The following CLASP1 variants were observed in gnomAD, a reference collection of about 807,000 sequenced individuals.
CLASP1 encodes the protein cytoplasmic linker associated protein 1, also known as CLIP-associating protein 1.
In CLASP1, 38 loss-of-function variants were observed where a neutral mutation model predicts 192.3. The observed-to-expected ratio is 0.20, with a 90% CI of 0.15 to 0.26. CLASP1 has a LOEUF of 0.26. Among genes scored for constraint, CLASP1 ranks in the 10% least tolerant of loss-of-function variants. CLASP1 has a pLI of 1.00. For synonymous variants in CLASP1, 691 were observed against 712.8 expected, an observed-to-expected ratio of 0.97 and a Z score of 0.49; for missense variants, 1,433 against 1,932.5, an observed-to-expected ratio of 0.74 and a Z score of 4.85.
Position 121,572,353 on chromosome 2 carries a change from G to A in CLASP1, c.195+33348C>T, listed in dbSNP as rs1033052483. Among the ~76,000 whole-genome samples, 32 of 152,174 alleles carry A rather than the reference G, an allele frequency of 2.1e-4. 1 individual carries two copies. The highest frequency in any genetic ancestry group is 2.0e-4 in the Admixed American group (3 of 15,284). On this transcript the variant is annotated intron_variant, in intron 2 of 39. Coordinates refer to ENST00000263710, the Ensembl canonical transcript of CLASP1. ...TGAGGCAGGAGAATGGCATGAACCC[G>A]GGACGCGGAGATTGCAGTGAGCCGA...
At chr2:121,565,277 C>T (rs1036529260) in intron 2 of CLASP1, among the ~76,000 whole-genome samples, 1 of 152,184 alleles carries the variant, frequency 6.6e-6, no homozygotes, top group Non-Finnish European at 1.5e-5. Flanking sequence ...TCTCATTCTG[C>T]TCTGTATTCA....
At chr2:121,507,642 A>G (rs774118646) in intron 7 of CLASP1, among the ~76,000 whole-genome samples, 1 of 152,266 alleles carries the variant, frequency 6.6e-6, no homozygotes, top group Non-Finnish European at 1.5e-5. Context: ...AAAACTTCAC[A>G]AATTTGATAT....
chr2:121,427,374 C>T (rs72967386), intron 21 of CLASP1, 30 bp downstream of exon 21: 2 of 1,608,106 alleles, frequency 1.2e-6, no homozygotes, highest in Non-Finnish European at 1.7e-6. Context: ...ACAACAACAA[C>T]AAAAAAAGGC....
At chr2:121,633,460 G>C (rs748552381) in intron 1 of CLASP1, among the ~76,000 whole-genome samples, 3 of 152,040 alleles carry the variant, frequency 2.0e-5, no homozygotes, top group Non-Finnish European at 1.5e-5. Flanking sequence ...TTCCAAAATT[G>C]AATCACTGAC....
At chr2:121,459,805 A>T in intron 12 of CLASP1, 175 bp downstream of exon 12, 1 of 476,676 alleles carries the variant, frequency 2.1e-6, no homozygotes, top group East Asian at 3.3e-5. Context: ...CACACTTCAC[A>T]TAATTGAGCA....
intron 7 of CLASP1, among the ~76,000 whole-genome samples, chr2:121,511,549 C>T (rs1257315325): frequency 1.3e-5 from 2 of 150,698 alleles, no homozygotes; most frequent in Non-Finnish European, 2.9e-5. Flanking sequence ...GATCACACCA[C>T]TGCACTCCAG....
intron 8 of CLASP1, among the ~76,000 whole-genome samples, chr2:121,485,681 C>A (rs1016892748): frequency 1.3e-5 from 2 of 151,924 alleles, no homozygotes; most frequent in African/African-American, 4.8e-5. Flanking sequence ...CTGGCCAACA[C>A]AGTAAAACCC....
In CLASP1 at chr2:121,348,727, C is replaced by G. The variant is rs553269444; in HGVS notation, c.4207-9G>C. 6.2e-4 allele frequency: 976 copies of G among 1,581,504 alleles called. 12 individuals are homozygous for G. Among genetic ancestry groups the G allele is most frequent in the Non-Finnish European group, 2.0e-4 (237 of 1,162,566 alleles). On this transcript the variant is annotated splice_polypyrimidine_tract_variant and intron_variant, in intron 37 of 39. Transcript: ENST00000263710. ...TCAGCCGCTCTCACCACCTGAAACA[C>G]CCAGTTCCCCCAAAGAGTGAGCTCC...
intron 30 of CLASP1, among the ~76,000 whole-genome samples, chr2:121,392,951 T>G (rs544241567): frequency 1.1e-4 from 16 of 152,310 alleles, no homozygotes; most frequent in Middle Eastern, 6.8e-3. Flanking sequence ...GTGTTTTGAT[T>G]TTAAAAACAC....
intron 37 of CLASP1, among the ~76,000 whole-genome samples, chr2:121,362,091 A>G (rs1324206459): frequency 2.0e-5 from 3 of 152,264 alleles, no homozygotes; most frequent in East Asian, 1.9e-4. Flanking sequence ...TGTGTTAACT[A>G]TAATTCCCTT....
chr2:121,451,926 C>T lies in CLASP1; in HGVS notation c.1386-77G>A, dbSNP rs1416551173. The T allele has an allele frequency of 8.7e-6, 8 of 922,404 alleles. No homozygotes were observed. The East Asian group carries it at 2.1e-4, about 24-fold the overall frequency. The allele number at this position is 922,404 out of a possible 1,614,324, so 57.1% of individuals were successfully genotyped here. ...TGAAAACGGCATTTTTCTTAAGTGA[C>T]CCAATACTATTTTTTATAATTAGTA... On this transcript the variant is annotated intron_variant, in intron 14 of 39. Transcript: ENST00000263710.
chr2:121,392,768 A>G (rs1331308074), intron 30 of CLASP1, among the ~76,000 whole-genome samples: 1 of 152,204 alleles, frequency 6.6e-6, no homozygotes, highest in Non-Finnish European at 1.5e-5. Flanking sequence ...GGTCTAGTGT[A>G]CGTCTGCATA....
At chr2:121,508,900 A>G (rs924355342) in intron 7 of CLASP1, among the ~76,000 whole-genome samples, 2 of 152,254 alleles carry the variant, frequency 1.3e-5, no homozygotes, top group South Asian at 4.1e-4. Flanking sequence ...ACAAAGACAG[A>G]CATTTTACAA....
At position 121,457,774 on chromosome 2, in the gene CLASP1, A is replaced by T. The variant is rs778804530; in HGVS notation, c.1315-17T>A. On this transcript the variant is annotated splice_polypyrimidine_tract_variant and intron_variant, in intron 13 of 39. Coordinates refer to ENST00000263710, the Ensembl canonical transcript of CLASP1. The stretch of plus-strand genomic sequence containing the variant: ...GTGTGTGTGCTGTGAAGAACAACAA[A>T]AAACAGAGGTCAACACTTGCAAATA... The T allele has an allele frequency of 6.3e-7, 1 of 1,594,662 alleles. No individual in the cohort carries two copies.
intron 7 of CLASP1, among the ~76,000 whole-genome samples, chr2:121,508,538 C>G (rs1251780160): frequency 6.6e-6 from 1 of 151,998 alleles, no homozygotes; most frequent in Non-Finnish European, 1.5e-5. Flanking sequence ...ATAGATTAAA[C>G]CAATGGAAAG....
chr2:121,599,519 T>C (rs1263273030), intron 2 of CLASP1, among the ~76,000 whole-genome samples: 1 of 122,804 alleles, frequency 8.1e-6, no homozygotes, highest in Admixed American at 1.0e-4. Context: ...ACCCAGGAGG[T>C]GGAGGTTGCA....
chr2:121,430,483 T>C (rs1386754643), intron 19 of CLASP1, among the ~76,000 whole-genome samples: 1 of 152,272 alleles, frequency 6.6e-6, no homozygotes, highest in Non-Finnish European at 1.5e-5. Flanking sequence ...AAGGAAGTGA[T>C]ATCCATTTGA....
At chr2:121,552,547 T>G (rs1317290721) in intron 2 of CLASP1, among the ~76,000 whole-genome samples, 2 of 152,098 alleles carry the variant, frequency 1.3e-5, no homozygotes, top group Admixed American at 6.5e-5. Flanking sequence ...CAGACACTTT[T>G]CAAAAGAAGA....
At chr2:121,441,592 G>A (rs186148414) in intron 19 of CLASP1, among the ~76,000 whole-genome samples, 28 of 152,020 alleles carry the variant, frequency 1.8e-4, no homozygotes, top group African/African-American at 5.5e-4. Flanking sequence ...CCAGGCAGGC[G>A]TGGTGGTGCA....
Sources: allele counts gnomAD v4.1 joint callset (sites outside exome capture counted in the v4.1 genomes callset), GRCh38; gene constraint gnomAD v4.1.1; transcripts MANE v1.5; gene names NCBI Gene and HGNC (gene_info 2026-07-23, HGNC 2026-07-21).